Variants in PTCD2 observed in about 807,000 individuals in gnomAD.
PTCD2 encodes the protein pentatricopeptide repeat-containing protein 2, mitochondrial.
In PTCD2, 31 loss-of-function variants were observed where a neutral mutation model predicts 42.6. That is an observed-to-expected ratio of 0.73 (90% CI 0.55 to 0.98). PTCD2 has a LOEUF of 0.98. PTCD2 is among the 50% of genes least tolerant of loss of function. The pLI is 0.00. For synonymous variants in PTCD2, 183 were observed against 170.9 expected, an observed-to-expected ratio of 1.07 and a Z score of -0.55; for missense variants, 476 against 454.8, an observed-to-expected ratio of 1.05 and a Z score of -0.42.
intron 5 of PTCD2, 52 bp downstream of exon 5, chr5:72,335,148 T>C: frequency 2.0e-6 from 2 of 1,024,574 alleles, no homozygotes; most frequent in South Asian, 1.3e-5. Flanking sequence ...TTTGCTGGCA[T>C]AGGAACTAGG....
At chr5:72,343,725 G>A (rs868637550) in intron 8 of PTCD2, among the ~76,000 whole-genome samples, 3 of 152,048 alleles carry the variant, frequency 2.0e-5, no homozygotes, top group African/African-American at 4.8e-5. Context: ...CCAGATTCAC[G>A]CTAATAATAA....
chr5:72,331,916 T>C (rs1367833249), intron 4 of PTCD2, among the ~76,000 whole-genome samples: 4 of 152,254 alleles, frequency 2.6e-5, no homozygotes, highest in African/African-American at 9.6e-5. Flanking sequence ...TTTCATTTTA[T>C]TTGTTTCTCA....
intron 3 of PTCD2, among the ~76,000 whole-genome samples, chr5:72,330,155 T>C (rs1465243703): frequency 6.6e-6 from 1 of 151,780 alleles, no homozygotes; most frequent in African/African-American, 2.4e-5. Context: ...TTAGCCAAGA[T>C]GGTCTCGATC....
Position 72,342,963 on chromosome 5 carries a change from A to G in PTCD2, c.755A>G (p.Asn252Ser). The change falls in exon 8 of 10, where the codon AAT becomes AGT. Residue 252 changes from asparagine to serine, a missense_variant and splice_region_variant. Coordinates refer to ENST00000380639, the MANE Select transcript of PTCD2 (RefSeq NM_024754.5). ...CFAVALALNQ[N>S]EMAKAVSIFS... ...ATGATTTGTTTCTCTTCCTTCTAGAATGAGATGGCAAAAGCTGTGTCCATT... is the reference window on the plus strand; with the variant it reads ...ATGATTTGTTTCTCTTCCTTCTAGAGTGAGATGGCAAAAGCTGTGTCCATT... The G allele has an allele frequency of 6.3e-7, 1 of 1,584,748 alleles. No individual in the cohort carries two copies. The highest frequency in any genetic ancestry group is 8.6e-7 in the Non-Finnish European group (1 of 1,161,134).
Position 72,363,090 on chromosome 5 carries a change from T to G in PTCD2, c.*4663T>G, listed in dbSNP as rs528037696. On this transcript the variant is annotated 3_prime_UTR_variant, in exon 10 of 10. Transcript: ENST00000380639. ...CTGTTTCTTTGCAGTGAACTAAAAC[T>G]TCTTATGAACTCTGGTTATACTGAA... 4 of 152,254 alleles carry G rather than the reference T, an allele frequency of 2.6e-5. No homozygotes were observed. Among genetic ancestry groups the G allele is most frequent in the Non-Finnish European group, 4.4e-5 (3 of 68,040 alleles). 9.4% of individuals were successfully genotyped at this position (152,254 alleles called of 1,614,324 possible). A position where few individuals can be genotyped will look rare whatever the true frequency, so the allele number is the denominator to read the frequency against.
chr5:72,349,728 A>G (rs1752527985), intron 8 of PTCD2, among the ~76,000 whole-genome samples: 1 of 152,160 alleles, frequency 6.6e-6, no homozygotes, highest in Non-Finnish European at 1.5e-5. Flanking sequence ...AATCTGTAAG[A>G]TTAAGGCAAT....
intron 8 of PTCD2, among the ~76,000 whole-genome samples, chr5:72,346,070 G>GCAA (rs1209470915): frequency 1.3e-5 from 2 of 152,146 alleles, no homozygotes; most frequent in African/African-American, 4.8e-5. Context: ...CAAGAAGTGT[G>GCAA]CAATAAGAAT....
chr5:72,332,941 A>G (rs1751517741), intron 4 of PTCD2, among the ~76,000 whole-genome samples: 1 of 152,226 alleles, frequency 6.6e-6, no homozygotes. Context: ...ACATGTTGAA[A>G]TTACATCTTG....
chr5:72,331,924 T>TCA (rs1751460592), intron 4 of PTCD2, among the ~76,000 whole-genome samples: 1 of 152,248 alleles, frequency 6.6e-6, no homozygotes. Flanking sequence ...TATTTGTTTC[T>TCA]CACAATAGCC....
chr5:72,348,997 G>C (rs1253772498), intron 8 of PTCD2, among the ~76,000 whole-genome samples: 2 of 152,256 alleles, frequency 1.3e-5, no homozygotes, highest in Non-Finnish European at 2.9e-5. Flanking sequence ...ACTCATATGT[G>C]TGAGTTAAGA....
chr5:72,357,447 C>G (rs959486744), intron 9 of PTCD2, among the ~76,000 whole-genome samples: 1 of 152,194 alleles, frequency 6.6e-6, no homozygotes, highest in African/African-American at 2.4e-5. Flanking sequence ...GTGTGGGCCT[C>G]CAGAATAGTC....
intron 8 of PTCD2, among the ~76,000 whole-genome samples, chr5:72,350,496 C>G (rs1459306828): frequency 6.6e-6 from 1 of 152,190 alleles, no homozygotes; most frequent in Non-Finnish European, 1.5e-5. Flanking sequence ...TTGGATGCAA[C>G]ACTGTGTTTG....
intron 3 of PTCD2, among the ~76,000 whole-genome samples, chr5:72,328,876 C>T (rs1751280578): frequency 6.6e-6 from 1 of 152,154 alleles, no homozygotes; most frequent in Non-Finnish European, 1.5e-5. Flanking sequence ...AAACTCGCTG[C>T]ATAAAACTTA....
chr5:72,341,401 G>A (rs968029916), intron 7 of PTCD2, among the ~76,000 whole-genome samples: 1 of 151,984 alleles, frequency 6.6e-6, no homozygotes, highest in African/African-American at 2.4e-5. Flanking sequence ...TCATCTTTAT[G>A]AGTGTCATGT....
At chr5:72,337,327 T>TG (rs1751804296) in intron 6 of PTCD2, among the ~76,000 whole-genome samples, 2 of 152,094 alleles carry the variant, frequency 1.3e-5, no homozygotes, top group African/African-American at 4.8e-5. Context: ...CATAGTTTGC[T>TG]GACCTCTGGA....
intron 3 of PTCD2, among the ~76,000 whole-genome samples, chr5:72,330,887 C>A (rs1400017560): frequency 6.6e-6 from 1 of 152,166 alleles, no homozygotes; most frequent in Non-Finnish European, 1.5e-5. Context: ...TTCCCTTGTT[C>A]TCCTCTGGGT....
At chr5:72,353,991 C>G (rs1752741728) in intron 9 of PTCD2, among the ~76,000 whole-genome samples, 1 of 152,064 alleles carries the variant, frequency 6.6e-6, no homozygotes, top group Admixed American at 6.6e-5. Context: ...ATAAATTTGA[C>G]TAAATAAAAA....
intron 9 of PTCD2, among the ~76,000 whole-genome samples, chr5:72,355,228 A>G (rs1752815424): frequency 6.6e-6 from 1 of 152,208 alleles, no homozygotes; most frequent in African/African-American, 2.4e-5. Flanking sequence ...ATTATTATGC[A>G]TATTTCAAAA....
At chr5:72,331,691 T>G (rs560933728) in intron 4 of PTCD2, among the ~76,000 whole-genome samples, 2 of 152,338 alleles carry the variant, frequency 1.3e-5, no homozygotes, top group African/African-American at 2.4e-5. Context: ...ATTTAAAGAC[T>G]GACATTCCTA....
Sources: allele counts gnomAD v4.1 joint callset (sites outside exome capture counted in the v4.1 genomes callset), GRCh38; gene constraint gnomAD v4.1.1; transcripts MANE v1.5; gene names NCBI Gene and HGNC (gene_info 2026-07-23, HGNC 2026-07-21).